KATNAL2: variants seen among roughly 807,000 people sequenced by gnomAD.
KATNAL2 encodes katanin catalytic subunit A1 like 2.
KATNAL2 carries 52 observed loss-of-function variants against 76.3 expected under a neutral mutation model. The ratio of observed to expected loss-of-function variants is 0.68; its 90% CI spans 0.55 to 0.86. The LOEUF is 0.86. Among genes scored for constraint, KATNAL2 ranks in the 40% least tolerant of loss-of-function variants. KATNAL2 has a pLI of 0.00. For missense variants in KATNAL2, 660 were observed against 668.9 expected (o/e 0.99, Z 0.15); for synonymous variants, 243 against 244.2 (o/e 1.00, Z 0.05).
intron 3 of KATNAL2, among the ~76,000 whole-genome samples, chr18:47,037,534 T>A (rs1249947935): frequency 6.6e-6 from 1 of 152,202 alleles, no homozygotes; most frequent in East Asian, 1.9e-4. Flanking sequence ...GGCTCATTCT[T>A]AGTTTTTTTT....
Position 47,046,458 on chromosome 18 carries a change from G to A in KATNAL2, c.53G>A (p.Cys18Tyr). The A allele has an allele frequency of 6.5e-7, 1 of 1,535,356 alleles. No individual in the cohort carries two copies. Among genetic ancestry groups the A allele is most frequent in the Non-Finnish European group, 8.7e-7 (1 of 1,146,260 alleles). The change falls in exon 4 of 18, where the codon TGC becomes TAC. Residue 18 changes from cysteine (C) to tyrosine (Y), a missense_variant and splice_region_variant. Cys to Tyr is a radical substitution (Grantham distance 194). Coordinates refer to ENST00000683218, the MANE Select transcript of KATNAL2 (RefSeq NM_001387690.1). The part of the protein sequence containing the change: ...LKFTHQAREA[C>Y]EMRTEARRKN... ...TACCTAAATTTTCCTCTGTTCCAGT[G>A]CGAGATGAGGACAGAAGCACGACGA... is the stretch of plus-strand genomic sequence containing the variant.
chr18:47,044,331 G>A (rs1406528174), intron 3 of KATNAL2, among the ~76,000 whole-genome samples: 1 of 152,202 alleles, frequency 6.6e-6, no homozygotes, highest in African/African-American at 2.4e-5. Context: ...GGGGGCAGGG[G>A]AGATGTGGAG....
chr18:47,046,423 G>T, intron 3 of KATNAL2, 34 bp from the exon 4 acceptor site: 1 of 1,446,296 alleles, frequency 6.9e-7, no homozygotes, highest in South Asian at 1.2e-5. Context: ...GTTATTTTTT[G>T]TTGTCATCCT....
chr18:47,038,372 A>G (rs1014061761), intron 3 of KATNAL2, among the ~76,000 whole-genome samples: 10 of 152,206 alleles, frequency 6.6e-5, no homozygotes, highest in African/African-American at 2.2e-4. Flanking sequence ...ATTCTGACAA[A>G]TGTTCCAACT....
intron 11 of KATNAL2, 121 bp downstream of exon 11, chr18:47,067,240 G>A (rs886118073): frequency 2.2e-6 from 1 of 444,546 alleles, no homozygotes. Flanking sequence ...TTAACTCTTT[G>A]CTTGTGTCAC....
chr18:47,072,464 G>T (rs1419323024), intron 13 of KATNAL2, among the ~76,000 whole-genome samples: 1 of 152,090 alleles, frequency 6.6e-6, no homozygotes, highest in African/African-American at 2.4e-5. Flanking sequence ...TTGAGGCAGG[G>T]TCTTGCTCTG....
intron 3 of KATNAL2, among the ~76,000 whole-genome samples, chr18:47,041,778 T>TA (rs1052585086): frequency 3.3e-5 from 5 of 152,214 alleles, no homozygotes; most frequent in Admixed American, 6.5e-5. Context: ...GTCTTTACTT[T>TA]AAAAAAACCT....
intron 1 of KATNAL2, among the ~76,000 whole-genome samples, chr18:46,939,826 T>C (rs1293060768): frequency 1.3e-5 from 2 of 152,192 alleles, no homozygotes; most frequent in African/African-American, 2.4e-5. Context: ...CTCTGCCCTT[T>C]CTGAACCTTG....
chr18:47,031,471 A>G (rs1446279719), intron 3 of KATNAL2, among the ~76,000 whole-genome samples: 2 of 152,100 alleles, frequency 1.3e-5, no homozygotes, highest in Non-Finnish European at 2.9e-5. Flanking sequence ...TTCTGCAGAA[A>G]GAAAATCATT....
At chr18:47,040,133 G>GTACA (rs2060914164) in intron 3 of KATNAL2, among the ~76,000 whole-genome samples, 1 of 152,190 alleles carries the variant, frequency 6.6e-6, no homozygotes, top group Non-Finnish European at 1.5e-5. Flanking sequence ...ACTACTCCTG[G>GTACA]TACAGCAGGG....
In KATNAL2 at chr18:47,034,020, G is replaced by T. The variant is rs767658717; in HGVS notation, c.52-12437G>T. 1.9e-6 allele frequency: 3 copies of T among 1,614,158 alleles called. 1 individual carries two copies. The South Asian group carries it at 3.3e-5, about 18-fold the overall frequency. On this transcript the variant is annotated intron_variant, in intron 3 of 17. Coordinates refer to ENST00000683218, the MANE Select transcript of KATNAL2 (RefSeq NM_001387690.1). ...AGGACTCACGAGTGCCCTTGGATTC[G>T]TTTGCTTTCCTTTGTTTATCTCCAA...
Position 47,085,783 on chromosome 18 carries a change from C to CAAATAAAT in KATNAL2, c.1211+8338_1211+8345dup, listed in dbSNP as rs750372693. 5.1e-4 allele frequency among the ~76,000 whole-genome samples: 77 copies of CAAATAAAT among 151,868 alleles called. 2 individuals are homozygous for CAAATAAAT. Among genetic ancestry groups the CAAATAAAT allele is most frequent in the Admixed American group, 1.3e-4 (2 of 15,242 alleles). On this transcript the variant is annotated intron_variant, in intron 15 of 17. Coordinates refer to ENST00000683218, the MANE Select transcript of KATNAL2 (RefSeq NM_001387690.1). ...TGTTTATTCAACTCTTTTTTTATTG[C>CAAATAAAT]AAATAAATAAATAAATAAATAAAAG...
chr18:47,059,626 G>A lies in KATNAL2; in HGVS notation c.521G>A (p.Ser174Asn), dbSNP rs1314411444. 6 of 1,613,610 alleles carry A rather than the reference G, an allele frequency of 3.7e-6. No individual in the cohort carries two copies. The highest frequency in any genetic ancestry group is 5.1e-6 in the Non-Finnish European group (6 of 1,179,526). The stretch of plus-strand genomic sequence containing the variant: ...CATATATCAAGAATCCGTAAAGACA[G>A]TGGAGAGGAAAATGCCCACCCACGA... ...GLHISRIRKDSGEENAHPRRG... is the reference protein window; with the variant it reads ...GLHISRIRKDNGEENAHPRRG... Residue 174 changes from serine (S) to asparagine (N), a missense_variant, in exon 8 of 18, where the codon AGT becomes AAT. Physicochemically the swap from Ser to Asn is conservative, Grantham distance 46 (BLOSUM62 1). Transcript: ENST00000683218.
chr18:46,917,675 A>C lies in KATNAL2; in HGVS notation c.-761A>C, dbSNP rs1358384361. ...CCGCGGCTTGGCCCCGCTCGGCCCCAGGTCGTGCCTTCCCTCCCCGGCGGA... is the reference window on the plus strand; with the variant it reads ...CCGCGGCTTGGCCCCGCTCGGCCCCCGGTCGTGCCTTCCCTCCCCGGCGGA... On this transcript the variant is annotated 5_prime_UTR_variant, in exon 1 of 18. Coordinates refer to ENST00000683218, the MANE Select transcript of KATNAL2 (RefSeq NM_001387690.1). 1 of 542,452 alleles carries C rather than the reference A, an allele frequency of 1.8e-6. No individual in the cohort carries two copies. Among genetic ancestry groups the C allele is most frequent in the Non-Finnish European group, 2.4e-6 (1 of 423,602 alleles). The allele number at this position is 542,452 out of a possible 1,614,324, so 33.6% of individuals were successfully genotyped here.
intron 6 of KATNAL2, among the ~76,000 whole-genome samples, chr18:47,055,651 C>G (rs2061450971): frequency 6.6e-6 from 1 of 152,206 alleles, no homozygotes; most frequent in African/African-American, 2.4e-5. Context: ...ATAGTTTCCA[C>G]AAAGTTAGTC....
At chr18:46,921,548 C>T (rs190668324) in intron 1 of KATNAL2, among the ~76,000 whole-genome samples, 3 of 152,156 alleles carry the variant, frequency 2.0e-5, no homozygotes, top group Non-Finnish European at 4.4e-5. Context: ...AGAAAAATGA[C>T]TACACCTATC....
At chr18:46,956,689 G>A (rs1034549474) in intron 3 of KATNAL2, among the ~76,000 whole-genome samples, 2 of 152,156 alleles carry the variant, frequency 1.3e-5, no homozygotes, top group Non-Finnish European at 2.9e-5. Context: ...AATTGATCTT[G>A]CTTTTGCAGA....
chr18:46,946,047 T>C lies in KATNAL2; in HGVS notation c.-509-10T>C. 3.4e-6 allele frequency: 1 copy of C among 294,724 alleles called. No homozygotes were observed. Among genetic ancestry groups the C allele is most frequent in the Non-Finnish European group, 5.1e-6 (1 of 197,720 alleles). 18.3% of individuals were successfully genotyped at this position (294,724 alleles called of 1,614,324 possible). On this transcript the variant is annotated splice_polypyrimidine_tract_variant and intron_variant, in intron 1 of 17. Transcript: ENST00000683218. Reference sequence around the variant, plus strand: ...GTTCAACACTTACGAGAACTTTTTTTTTTTTGTAGATTGAGGAAACTTGAA... The same window carrying C: ...GTTCAACACTTACGAGAACTTTTTTCTTTTTGTAGATTGAGGAAACTTGAA...
intron 1 of KATNAL2, among the ~76,000 whole-genome samples, chr18:46,931,736 GGA>G (rs2058929922): frequency 6.6e-6 from 1 of 150,610 alleles, no homozygotes; most frequent in Non-Finnish European, 1.5e-5. Flanking sequence ...AGAGAGAGAG[GGA>G]GAGGGGGAGG....
Sources: allele counts gnomAD v4.1 joint callset (sites outside exome capture counted in the v4.1 genomes callset), GRCh38; gene constraint gnomAD v4.1.1; transcripts MANE v1.5; gene names NCBI Gene and HGNC (gene_info 2026-07-23, HGNC 2026-07-21).